The following SLC25A12 variants were observed in gnomAD, a reference collection of about 807,000 sequenced individuals.
SLC25A12 encodes electrogenic aspartate/glutamate antiporter SLC25A12, mitochondrial.
A neutral mutation model predicts 83.3 loss-of-function variants in SLC25A12; 32 were observed. The observed-to-expected ratio is 0.38, with a 90% CI of 0.29 to 0.52. The LOEUF is 0.52. Among genes scored for constraint, SLC25A12 ranks in the 20% least tolerant of loss-of-function variants. The pLI is 0.84. For synonymous variants in SLC25A12, 267 were observed against 291.1 expected (o/e 0.92, Z 0.84); for missense variants, 611 against 835.6 (o/e 0.73, Z 3.31).
chr2:171,892,043 C>T (rs566424531), intron 2 of SLC25A12, among the ~76,000 whole-genome samples: 15 of 152,272 alleles, frequency 9.9e-5, no homozygotes, highest in African/African-American at 3.4e-4. Context: ...GACTCATAGA[C>T]TTTTGGAATG....
Position 171,785,179 on chromosome 2 carries a change from G to T in SLC25A12, c.*95C>A. ...AAGAAGAGTTTGACTCCTCAGCTCA[G>T]TCAGTACCATGCAGCTGACTGGATA... is the stretch of plus-strand genomic sequence containing the variant. On this transcript the variant is annotated 3_prime_UTR_variant, in exon 18 of 18. Coordinates refer to ENST00000422440, the MANE Select transcript of SLC25A12 (RefSeq NM_003705.5). The T allele has an allele frequency of 8.9e-7, 1 of 1,119,018 alleles. No homozygotes were observed. Among genetic ancestry groups the T allele is most frequent in the Non-Finnish European group, 1.4e-6 (1 of 737,246 alleles). The allele number at this position is 1,119,018 out of a possible 1,614,324, so 69.3% of individuals were successfully genotyped here.
rs1176824781 is a variant in SLC25A12, at chr2:171,893,095, A to C, written c.66+110T>G. The C allele has an allele frequency of 4.7e-6, 4 of 851,992 alleles. No individual in the cohort carries two copies. In the African/African-American group the frequency reaches 6.7e-5, roughly 14 times the overall value. 52.8% of individuals were successfully genotyped at this position (851,992 alleles called of 1,614,324 possible). On this transcript the variant is annotated intron_variant, in intron 2 of 17. Coordinates refer to ENST00000422440, the MANE Select transcript of SLC25A12 (RefSeq NM_003705.5). ...AAGCTATATTGTCCGGTCATGTTTGAAAGAATACATGAAAACTGAACATTC... is the reference window on the plus strand; with the variant it reads ...AAGCTATATTGTCCGGTCATGTTTGCAAGAATACATGAAAACTGAACATTC...
chr2:171,794,946 C>T (rs1683570362), intron 13 of SLC25A12, among the ~76,000 whole-genome samples: 1 of 152,172 alleles, frequency 6.6e-6, no homozygotes, highest in Non-Finnish European at 1.5e-5. Context: ...TTCCTGCTCA[C>T]TTATCTAAAA....
intron 13 of SLC25A12, among the ~76,000 whole-genome samples, chr2:171,800,883 A>G (rs1683697279): frequency 6.6e-6 from 1 of 152,244 alleles, no homozygotes; most frequent in African/African-American, 2.4e-5. Context: ...CTCCATTTAC[A>G]TGAAATCCAA....
intron 9 of SLC25A12, among the ~76,000 whole-genome samples, chr2:171,824,114 C>T (rs1684250797): frequency 6.6e-6 from 1 of 152,150 alleles, no homozygotes; most frequent in African/African-American, 2.4e-5. Flanking sequence ...AATCAGAGAC[C>T]CAGGGAAGAA....
intron 9 of SLC25A12, among the ~76,000 whole-genome samples, chr2:171,818,240 T>C (rs1372420407): frequency 6.6e-6 from 1 of 151,986 alleles, no homozygotes; most frequent in African/African-American, 2.4e-5. Context: ...ACTAAGAAGA[T>C]TGCCTGCCGT....
At chr2:171,873,630 T>C (rs1010745068) in intron 2 of SLC25A12, among the ~76,000 whole-genome samples, 1 of 152,126 alleles carries the variant, frequency 6.6e-6, no homozygotes, top group African/African-American at 2.4e-5. Context: ...GTGGAAAGTC[T>C]TCCTCCTACT....
intron 2 of SLC25A12, among the ~76,000 whole-genome samples, chr2:171,879,170 T>C (rs1425011483): frequency 6.6e-6 from 1 of 152,220 alleles, no homozygotes; most frequent in Non-Finnish European, 1.5e-5. Flanking sequence ...TAATGTAAAA[T>C]TTTTCCAATG....
At chr2:171,790,997 G>A (rs62182363) in intron 15 of SLC25A12, among the ~76,000 whole-genome samples, 9,428 of 152,182 alleles carry the variant, frequency 0.062, 418 homozygotes, top group South Asian at 0.13. Flanking sequence ...ACAGCTTCAC[G>A]ACAAAAGCTC....
chr2:171,793,878 G>A (rs891931951), intron 13 of SLC25A12, 111 bp from the exon 14 acceptor site: 4 of 1,247,446 alleles, frequency 3.2e-6, no homozygotes, highest in Admixed American at 3.6e-5. Context: ...AAAAGAAGGA[G>A]GTGAAACTTC....
chr2:171,893,334 A>G, intron 1 of SLC25A12, 76 bp from the exon 2 acceptor site: 2 of 1,205,662 alleles, frequency 1.7e-6, no homozygotes, highest in Non-Finnish European at 2.5e-6. Flanking sequence ...TAGAGGTCAC[A>G]TGGCTAACAA....
intron 17 of SLC25A12, 58 bp downstream of exon 17, chr2:171,787,513 C>A: frequency 1.5e-6 from 2 of 1,327,286 alleles, no homozygotes; most frequent in Middle Eastern, 3.6e-4. Flanking sequence ...GTAGACAGAA[C>A]AAACATTTGT....
intron 10 of SLC25A12, among the ~76,000 whole-genome samples, chr2:171,814,469 ATCCCAAATC>A (rs1684007504): frequency 6.6e-6 from 1 of 151,974 alleles, no homozygotes. Flanking sequence ...TGGGATTCAT[ATCCCAAATC>A]TCAATTTCTT....
At chr2:171,829,909 C>T (rs915268203) in intron 8 of SLC25A12, among the ~76,000 whole-genome samples, 1 of 152,224 alleles carries the variant, frequency 6.6e-6, no homozygotes, top group Non-Finnish European at 1.5e-5. Flanking sequence ...GACTATAACA[C>T]CCCCATGGGA....
At chr2:171,818,033 A>G (rs1320739075) in intron 9 of SLC25A12, among the ~76,000 whole-genome samples, 2 of 152,246 alleles carry the variant, frequency 1.3e-5, no homozygotes, top group African/African-American at 2.4e-5. Flanking sequence ...AAGAAAACAT[A>G]CAATATATGG....
chr2:171,797,614 C>T (rs970044575), intron 13 of SLC25A12, among the ~76,000 whole-genome samples: 3 of 152,106 alleles, frequency 2.0e-5, no homozygotes, highest in East Asian at 1.9e-4. Flanking sequence ...AGTCTTCTCT[C>T]GCATATTCTT....
intron 15 of SLC25A12, among the ~76,000 whole-genome samples, chr2:171,789,595 T>G (rs570704603): frequency 2.0e-5 from 3 of 152,192 alleles, no homozygotes; most frequent in Non-Finnish European, 4.4e-5. Flanking sequence ...TGTCCTTGGC[T>G]GCACCAACAC....
intron 2 of SLC25A12, among the ~76,000 whole-genome samples, chr2:171,891,815 T>C (rs988715938): frequency 6.6e-6 from 1 of 152,252 alleles, no homozygotes; most frequent in African/African-American, 2.4e-5. Flanking sequence ...ATTTCTGTTA[T>C]TATAATTACT....
At chr2:171,881,269 C>A (rs1241505331) in intron 2 of SLC25A12, among the ~76,000 whole-genome samples, 2 of 152,180 alleles carry the variant, frequency 1.3e-5, no homozygotes, top group East Asian at 3.8e-4. Flanking sequence ...TCTCCCATCT[C>A]AGCCTCCCGA....
Sources: allele counts gnomAD v4.1 joint callset (sites outside exome capture counted in the v4.1 genomes callset), GRCh38; gene constraint gnomAD v4.1.1; transcripts MANE v1.5; gene names NCBI Gene and HGNC (gene_info 2026-07-23, HGNC 2026-07-21).